NHS: variants seen among roughly 807,000 people sequenced by gnomAD.
NHS encodes NHS actin remodeling regulator, also known as actin remodeling regulator NHS.
In NHS, 5 loss-of-function variants were observed where a neutral mutation model predicts 72.5. The ratio of observed to expected loss-of-function variants is 0.07; its 90% CI spans 0.04 to 0.14. The LOEUF (loss-of-function observed/expected upper bound fraction) is 0.14, where lower values mean the gene tolerates loss of function less well. Among genes scored for constraint, NHS ranks in the 10% least tolerant of loss-of-function variants. NHS has a pLI of 1.00. For synonymous variants in NHS, 464 were observed against 547.7 expected (o/e 0.85, Z 2.13); for missense variants, 1,072 against 1,355.7 (o/e 0.79, Z 3.29).
At chrX:17,691,247 G>C (rs780111287) in intron 2 of NHS, among the ~76,000 whole-genome samples, 4 of 112,063 alleles carry the variant, frequency 3.6e-5, no homozygotes, top group Non-Finnish European at 7.5e-5. Flanking sequence ...TCTTCTGTAC[G>C]GATTTAAGAA....
At chrX:17,522,519 C>A (rs1170172272) in intron 1 of NHS, among the ~76,000 whole-genome samples, 4 of 97,789 alleles carry the variant, frequency 4.1e-5, no homozygotes, top group African/African-American at 7.4e-5. Flanking sequence ...CCCATCCCCC[C>A]CATCCGGAAG....
At chrX:17,606,374 C>T (rs1441432264) in intron 1 of NHS, among the ~76,000 whole-genome samples, 1 of 111,891 alleles carries the variant, frequency 8.9e-6, no homozygotes, top group Non-Finnish European at 1.9e-5. Flanking sequence ...CCCTGGTAGA[C>T]ATGAGAGTCA....
chrX:17,641,970 G>T (rs1371097036), intron 1 of NHS, among the ~76,000 whole-genome samples: 1 of 110,777 alleles, frequency 9.0e-6, no homozygotes, highest in African/African-American at 3.3e-5. Context: ...GTTGTTGTTG[G>T]AGTCTTGCTC....
intron 1 of NHS, among the ~76,000 whole-genome samples, chrX:17,613,520 C>T: frequency 8.9e-6 from 1 of 111,788 alleles, no homozygotes; most frequent in Non-Finnish European, 1.9e-5. Context: ...TCCCTTCTGA[C>T]TGCCTGTGAT....
chrX:17,472,058 T>C (rs1455499507), intron 1 of NHS, among the ~76,000 whole-genome samples: 1 of 111,360 alleles, frequency 9.0e-6, no homozygotes, highest in Non-Finnish European at 1.9e-5. Context: ...GGTCGTAAAT[T>C]TGTTCGGGGA....
At chrX:17,438,100 G>C (rs1486575184) in intron 1 of NHS, among the ~76,000 whole-genome samples, 1 of 112,331 alleles carries the variant, frequency 8.9e-6, no homozygotes, top group Non-Finnish European at 1.9e-5. Context: ...GTTTAGGCTG[G>C]TGCATTTGAA....
At chrX:17,529,035 CTTCT>C (rs899321297) in intron 1 of NHS, among the ~76,000 whole-genome samples, 5 of 110,734 alleles carry the variant, frequency 4.5e-5, no homozygotes, top group Admixed American at 9.6e-5. Context: ...TCTTCCCTTC[CTTCT>C]TTCTTTTTTC....
intron 1 of NHS, among the ~76,000 whole-genome samples, chrX:17,577,179 A>G (rs746957205): frequency 8.9e-6 from 1 of 111,920 alleles, no homozygotes; most frequent in African/African-American, 3.2e-5. Context: ...GGGTCCATCA[A>G]CTTCCCTAGT....
At chrX:17,493,492 C>CT (rs1166164160) in intron 1 of NHS, among the ~76,000 whole-genome samples, 2 of 111,963 alleles carry the variant, frequency 1.8e-5, no homozygotes, top group Admixed American at 1.9e-4. Context: ...AAGGAAAAGA[C>CT]TTTGTCTGCT....
In NHS at chrX:17,673,818, C is replaced by T. The variant is rs138384529; in HGVS notation, c.566-13924C>T. ...GGAAATTCCAAATGGTTTAACCTAA[C>T]GCTTTAGCATATGCTGATCTCTCCC... On this transcript the variant is annotated intron_variant, in intron 1 of 8. Coordinates refer to ENST00000676302, the MANE Select transcript of NHS (RefSeq NM_001291867.2). Among the ~76,000 whole-genome samples the T allele has an allele frequency of 2.9e-3, 320 of 112,110 alleles. 2 individuals are homozygous for T. Among genetic ancestry groups the T allele is most frequent in the African/African-American group, 9.7e-3 (300 of 30,832 alleles).
rs1038650898 is a variant in NHS, at chrX:17,482,969, G to A, written c.565+106647G>A. On this transcript the variant is annotated intron_variant, in intron 1 of 8. Transcript: ENST00000676302. ...GGCTTTCTTGATGTTCTGACACCTC[G>A]TGGGGACACGGAGCTGAGACTTTTC... Among the ~76,000 whole-genome samples, 29 of 111,805 alleles carry A rather than the reference G, an allele frequency of 2.6e-4. 1 individual carries two copies. Among genetic ancestry groups the A allele is most frequent in the East Asian group, 5.6e-4 (2 of 3,584 alleles).
chrX:17,544,621 C>G (rs1044828814), intron 1 of NHS, among the ~76,000 whole-genome samples: 10 of 111,684 alleles, frequency 9.0e-5, no homozygotes, highest in Non-Finnish European at 1.7e-4. Context: ...AAGCGAATCT[C>G]CCTGCCTCAG....
At chrX:17,458,881 T>C (rs1268095504) in intron 1 of NHS, among the ~76,000 whole-genome samples, 1 of 112,131 alleles carries the variant, frequency 8.9e-6, no homozygotes, top group Non-Finnish European at 1.9e-5. Context: ...CCAGGAGCAG[T>C]GCTACTCTAA....
At chrX:17,608,685 TGGG>T (rs201442682) in intron 1 of NHS, among the ~76,000 whole-genome samples, 2,092 of 109,350 alleles carry the variant, frequency 0.019, 61 homozygotes, top group African/African-American at 0.065. Context: ...TTTTTTTTTT[TGGG>T]GGGATATAAG....
intron 1 of NHS, among the ~76,000 whole-genome samples, chrX:17,398,297 G>T (rs1290264987): frequency 9.0e-6 from 1 of 111,668 alleles, no homozygotes; most frequent in African/African-American, 3.3e-5. Context: ...AAAAGGGTTG[G>T]CTGTTTAATA....
chrX:17,499,407 AT>A (rs1329013931), intron 1 of NHS, among the ~76,000 whole-genome samples: 1 of 111,574 alleles, frequency 9.0e-6, no homozygotes, highest in Non-Finnish European at 1.9e-5. Context: ...ATAGAAGTTT[AT>A]TTTGCCCCTT....
intron 1 of NHS, among the ~76,000 whole-genome samples, chrX:17,600,273 A>G (rs2065642865): frequency 1.0e-5 from 1 of 97,938 alleles, no homozygotes; most frequent in Non-Finnish European, 2.1e-5. Context: ...AAGGCAGCTG[A>G]GACAGAGAGA....
intron 1 of NHS, among the ~76,000 whole-genome samples, chrX:17,491,010 T>A (rs2064988592): frequency 8.9e-6 from 1 of 112,193 alleles, no homozygotes; most frequent in Admixed American, 9.4e-5. Context: ...GCTTATCTAC[T>A]TAAGGAGATT....
intron 1 of NHS, among the ~76,000 whole-genome samples, chrX:17,424,946 T>C: frequency 9.0e-6 from 1 of 111,633 alleles, no homozygotes; most frequent in Middle Eastern, 4.6e-3. Context: ...GGGGTGGTGG[T>C]GAGGCTAAAG....
Sources: allele counts gnomAD v4.1 joint callset (sites outside exome capture counted in the v4.1 genomes callset), GRCh38; gene constraint gnomAD v4.1.1; transcripts MANE v1.5; gene names NCBI Gene and HGNC (gene_info 2026-07-23, HGNC 2026-07-21).